The following NR3C1 variants were observed in gnomAD, a reference collection of about 807,000 sequenced individuals.
NR3C1 encodes the protein glucocorticoid receptor.
A neutral mutation model predicts 74.0 loss-of-function variants in NR3C1; 14 were observed. That is an observed-to-expected ratio of 0.19 (90% CI 0.12 to 0.30). The LOEUF is 0.30. Among genes scored for constraint, NR3C1 ranks in the 10% least tolerant of loss-of-function variants. The pLI, the probability that NR3C1 is intolerant of heterozygous loss-of-function variation, is 1.00. For missense variants in NR3C1, 695 were observed against 909.8 expected, an observed-to-expected ratio of 0.76 and a Z score of 3.04; for synonymous variants, 308 against 332.5, an observed-to-expected ratio of 0.93 and a Z score of 0.80.
At chr5:143,381,183 A>C (rs1256926173) in intron 2 of NR3C1, among the ~76,000 whole-genome samples, 1 of 152,164 alleles carries the variant, frequency 6.6e-6, no homozygotes, top group Admixed American at 6.5e-5. Context: ...AAGTAATCTC[A>C]TTTACAATAG....
intron 2 of NR3C1, among the ~76,000 whole-genome samples, chr5:143,329,476 A>G (rs549136926): frequency 2.2e-4 from 33 of 152,336 alleles, no homozygotes; most frequent in Non-Finnish European, 2.2e-4. Context: ...GAAATGTTAG[A>G]GAATTGGTCC....
intron 2 of NR3C1, chr5:143,389,932 A>T: frequency 1.0e-6 from 1 of 980,018 alleles, no homozygotes; most frequent in Non-Finnish European, 1.2e-6. Context: ...AAACTTATAA[A>T]TCATCTTTTG....
chr5:143,380,508 T>A (rs1016171063), intron 2 of NR3C1, among the ~76,000 whole-genome samples: 1 of 152,182 alleles, frequency 6.6e-6, no homozygotes, highest in Admixed American at 6.5e-5. Context: ...AAAAAAGCAA[T>A]GAAGTTATTT....
In NR3C1 at chr5:143,281,607, T is replaced by C. The variant is rs1306369001; in HGVS notation, c.*282A>G. The C allele has an allele frequency of 5.5e-6, 2 of 362,620 alleles. No homozygotes were observed. Among genetic ancestry groups the C allele is most frequent in the Admixed American group, 8.7e-5 (2 of 23,084 alleles). 22.5% of individuals were successfully genotyped at this position (362,620 alleles called of 1,614,324 possible). On this transcript the variant is annotated 3_prime_UTR_variant, in exon 9 of 9. Transcript: ENST00000394464. Reference sequence around the variant, plus strand: ...TTTAGGTGCCATCCTTCTTTGACTGTGGAGATTACGTCCACATATTAAGGT... The same window carrying C: ...TTTAGGTGCCATCCTTCTTTGACTGCGGAGATTACGTCCACATATTAAGGT...
At chr5:143,366,908 T>C (rs987916259) in intron 2 of NR3C1, among the ~76,000 whole-genome samples, 4 of 152,094 alleles carry the variant, frequency 2.6e-5, no homozygotes, top group Admixed American at 2.6e-4. Flanking sequence ...TCTCAAAGTC[T>C]CCCCCAAAAC....
intron 2 of NR3C1, among the ~76,000 whole-genome samples, chr5:143,318,832 C>T (rs1822723993): frequency 6.6e-6 from 1 of 152,136 alleles, no homozygotes; most frequent in Non-Finnish European, 1.5e-5. Flanking sequence ...CATTTTGTCA[C>T]ACTGACATGA....
chr5:143,411,012 C>T (rs1008412524), intron 1 of NR3C1, among the ~76,000 whole-genome samples: 1 of 152,082 alleles, frequency 6.6e-6, no homozygotes, highest in Non-Finnish European at 1.5e-5. Flanking sequence ...ATTTTAACAA[C>T]AAAAATAAAT....
Position 143,388,273 on chromosome 5 carries a change from T to C in NR3C1, c.1184+11383A>G, listed in dbSNP as rs10482625. Reference sequence around the variant, plus strand: ...TGTATTCATATACACCTGTCAGTCTTAAGGCTTATTTCTATCTGGGGAAGA... The same window carrying C: ...TGTATTCATATACACCTGTCAGTCTCAAGGCTTATTTCTATCTGGGGAAGA... On this transcript the variant is annotated intron_variant, in intron 2 of 8. Transcript: ENST00000394464. 6.2e-3 allele frequency among the ~76,000 whole-genome samples: 947 copies of C among 152,346 alleles called. 5 individuals carry two copies. Among genetic ancestry groups the C allele is most frequent in the African/African-American group, 0.021 (875 of 41,588 alleles).
At chr5:143,284,622 G>T (rs927283233) in intron 7 of NR3C1, among the ~76,000 whole-genome samples, 10 of 151,798 alleles carry the variant, frequency 6.6e-5, no homozygotes, top group South Asian at 2.1e-4. Context: ...GCATATAAAA[G>T]AATTTCATCC....
At chr5:143,379,721 G>A (rs890654527) in intron 2 of NR3C1, among the ~76,000 whole-genome samples, 1 of 152,056 alleles carries the variant, frequency 6.6e-6, no homozygotes, top group Non-Finnish European at 1.5e-5. Context: ...TGGTTCTTTT[G>A]TAACTCTAAT....
intron 2 of NR3C1, among the ~76,000 whole-genome samples, chr5:143,356,528 C>T (rs1437298144): frequency 6.6e-6 from 1 of 151,906 alleles, no homozygotes; most frequent in African/African-American, 2.4e-5. Flanking sequence ...TTCTTTGGAC[C>T]CTCAGAGCTA....
chr5:143,425,472 G>T (rs982472994), intron 1 of NR3C1, among the ~76,000 whole-genome samples: 1 of 152,044 alleles, frequency 6.6e-6, no homozygotes, highest in African/African-American at 2.4e-5. Context: ...GAATTTGCAA[G>T]TCATATATCC....
rs1368398604 is a variant in NR3C1 at position 143,282,058 on chromosome 5, G to A, written c.2182-17C>T. The A allele has an allele frequency of 1.2e-6, 2 of 1,613,114 alleles. No homozygotes were observed. Among genetic ancestry groups the A allele is most frequent in the South Asian group, 1.1e-5 (1 of 91,048 alleles). On this transcript the variant is annotated splice_polypyrimidine_tract_variant and intron_variant, in intron 8 of 8. Coordinates refer to ENST00000394464, the MANE Select transcript of NR3C1 (RefSeq NM_000176.3). ...TTCAACCACCTGCAAGAGAAGATAT[G>A]GTAATGATCAGGCTTCCAAATTGGT... is the stretch of plus-strand genomic sequence containing the variant.
intron 7 of NR3C1, among the ~76,000 whole-genome samples, chr5:143,284,517 C>T (rs530863089): frequency 1.9e-4 from 25 of 130,346 alleles, no homozygotes; most frequent in African/African-American, 4.0e-4. Context: ...TGTAAAACAG[C>T]GATGGCTTAT....
In NR3C1 at chr5:143,403,221, G is replaced by A; in HGVS notation, c.-24C>T. ...CGCCTCGCTTCTTACCTCTGGCAGAGGAGCCGCTCGCCCGCCACCGTCCGC... is the reference window on the plus strand; with the variant it reads ...CGCCTCGCTTCTTACCTCTGGCAGAAGAGCCGCTCGCCCGCCACCGTCCGC... On this transcript the variant is annotated 5_prime_UTR_variant, in exon 1 of 9. Coordinates refer to ENST00000394464, the MANE Select transcript of NR3C1 (RefSeq NM_000176.3). The A allele has an allele frequency of 3.0e-6, 3 of 985,486 alleles. No homozygotes were observed. The highest frequency in any genetic ancestry group is 3.6e-6 in the Non-Finnish European group (3 of 830,042). The allele number at this position is 985,486 out of a possible 1,614,324, so 61.0% of individuals were successfully genotyped here. A position where few individuals can be genotyped will look rare whatever the true frequency, so the allele number is the denominator to read the frequency against.
At chr5:143,299,839 C>A (rs1418429095) in intron 5 of NR3C1, among the ~76,000 whole-genome samples, 1 of 152,118 alleles carries the variant, frequency 6.6e-6, no homozygotes, top group Admixed American at 6.6e-5. Flanking sequence ...CCTCTTTCCC[C>A]CTTAATAAAA....
intron 7 of NR3C1, chr5:143,293,812 G>GA (rs1163991279): frequency 3.5e-6 from 3 of 857,996 alleles, no homozygotes; most frequent in Non-Finnish European, 1.4e-6. Context: ...TATTTACAAT[G>GA]AAAAAAATCA....
At chr5:143,364,273 G>T (rs1253886152) in intron 2 of NR3C1, among the ~76,000 whole-genome samples, 1 of 152,172 alleles carries the variant, frequency 6.6e-6, no homozygotes, top group African/African-American at 2.4e-5. Flanking sequence ...TGTCAACCAA[G>T]AATTCTGTAT....
At chr5:143,309,963 C>T (rs907313522) in intron 4 of NR3C1, 134 bp downstream of exon 4, 2 of 712,026 alleles carry the variant, frequency 2.8e-6, no homozygotes, top group Non-Finnish European at 4.9e-6. Context: ...TGGGCAGTAA[C>T]ATTATGCTAG....
Sources: gnomAD v4.1 joint callset for allele counts (sites outside exome capture counted in the v4.1 genomes callset) on GRCh38, gnomAD v4.1.1 for gene constraint, MANE v1.5 for transcripts, NCBI Gene and HGNC (gene_info 2026-07-23, HGNC 2026-07-21) for gene names.